SPATA7: variants seen among roughly 807,000 people sequenced by gnomAD.
SPATA7 encodes spermatogenesis associated 7.
Under a neutral mutation model 51.8 loss-of-function variants are expected in SPATA7, and 43 were observed. The ratio of observed to expected loss-of-function variants is 0.83; its 90% CI spans 0.65 to 1.07. The LOEUF is 1.07. SPATA7 is among the 50% of genes least tolerant of loss of function. The pLI is 0.00. For synonymous variants in SPATA7, 230 were observed against 252.8 expected (o/e 0.91, Z 0.86); for missense variants, 683 against 701.3 (o/e 0.97, Z 0.30).
chr14:88,464,419 A>AAAAG (rs906200425), intron 4 of SPATA7, among the ~76,000 whole-genome samples: 3 of 152,178 alleles, frequency 2.0e-5, no homozygotes, highest in African/African-American at 7.2e-5. Flanking sequence ...ATTTCTATCC[A>AAAAG]AAAGAGTTCC....
intron 5 of SPATA7, among the ~76,000 whole-genome samples, chr14:88,423,003 T>C (rs749268663): frequency 2.6e-5 from 4 of 152,162 alleles, no homozygotes; most frequent in Non-Finnish European, 5.9e-5. Flanking sequence ...AAAGGTCATA[T>C]ATCAAAAACC....
intron 10 of SPATA7, among the ~76,000 whole-genome samples, chr14:88,435,895 G>A (rs765799072): frequency 6.6e-6 from 1 of 152,130 alleles, no homozygotes; most frequent in Non-Finnish European, 1.5e-5. Flanking sequence ...ACATAAGAGT[G>A]CAGGTATCTC....
Position 88,390,917 on chromosome 14 carries a change from C to T in SPATA7, c.20-464C>T, listed in dbSNP as rs563824411. Among the ~76,000 whole-genome samples, 189 of 152,260 alleles carry T rather than the reference C, an allele frequency of 1.2e-3. 1 individual carries two copies. The highest frequency in any genetic ancestry group is 4.4e-3 in the African/African-American group (184 of 41,556). On this transcript the variant is annotated intron_variant, in intron 1 of 11. Coordinates refer to ENST00000393545, the MANE Select transcript of SPATA7 (RefSeq NM_018418.5). ...GTCCTAAATATTTTTTTCCTTCCTGCACTCTGACCTGTGACATAGAAAGAG... is the reference window on the plus strand; with the variant it reads ...GTCCTAAATATTTTTTTCCTTCCTGTACTCTGACCTGTGACATAGAAAGAG...
intron 4 of SPATA7, among the ~76,000 whole-genome samples, chr14:88,461,906 G>C (rs2077320218): frequency 6.6e-6 from 1 of 152,052 alleles, no homozygotes; most frequent in African/African-American, 2.4e-5. Context: ...TGACTTACAG[G>C]GGTTTAAGTA....
intron 2 of SPATA7, 156 bp downstream of exon 2, chr14:88,391,611 T>A: frequency 1.4e-6 from 1 of 725,064 alleles, no homozygotes; most frequent in Non-Finnish European, 2.4e-6. Flanking sequence ...TTCTTGAGAT[T>A]AGAGAATTTT....
downstream of SPATA7, among the ~76,000 whole-genome samples, chr14:88,442,173 TG>T (rs1284909472): frequency 0.014 from 177 of 12,410 alleles, 2 homozygotes; most frequent in East Asian, 0.28. Flanking sequence ...TCTATATGCC[TG>T]TTTGTTTGTT....
At chr14:88,458,188 C>CT (rs1244485889), downstream of SPATA7, among the ~76,000 whole-genome samples, 7 of 152,074 alleles carry the variant, frequency 4.6e-5, no homozygotes, top group East Asian at 1.9e-4. Context: ...CTAAAATTCT[C>CT]TTTTTTTGTT....
intron 3 of SPATA7, 167 bp downstream of exon 3, chr14:88,393,655 C>T: frequency 1.8e-6 from 1 of 543,240 alleles, no homozygotes. Flanking sequence ...TTAGCAAATT[C>T]ATACCCATTT....
chr14:88,427,775 T>G (rs1198121233), intron 7 of SPATA7, 79 bp downstream of exon 7: 14 of 1,033,918 alleles, frequency 1.4e-5, no homozygotes, highest in Non-Finnish European at 2.0e-5. Context: ...GTACAGCTAT[T>G]TAGACTGTGA....
chr14:88,414,264 A>G (rs777800504), intron 4 of SPATA7, among the ~76,000 whole-genome samples: 1 of 151,918 alleles, frequency 6.6e-6, no homozygotes, highest in African/African-American at 2.4e-5. Context: ...CAGGGTTTCA[A>G]TTTCTTCTGA....
At chr14:88,441,419 T>G (rs2077178109), downstream of SPATA7, among the ~76,000 whole-genome samples, 1 of 152,188 alleles carries the variant, frequency 6.6e-6, no homozygotes, top group African/African-American at 2.4e-5. Flanking sequence ...TTAAGGAATC[T>G]CCACACTGTT....
At chr14:88,458,534 G>A (rs1374149487), downstream of SPATA7, among the ~76,000 whole-genome samples, 1 of 152,138 alleles carries the variant, frequency 6.6e-6, no homozygotes, top group East Asian at 1.9e-4. Context: ...AGTATTCTCT[G>A]ATGGTAGCTT....
intron 4 of SPATA7, among the ~76,000 whole-genome samples, chr14:88,464,260 A>G (rs1390565744): frequency 6.6e-6 from 1 of 152,172 alleles, no homozygotes; most frequent in Non-Finnish European, 1.5e-5. Context: ...TAATGCAGCT[A>G]TTCCTCTACT....
intron 3 of SPATA7, among the ~76,000 whole-genome samples, chr14:88,452,818 T>C (rs543863885): frequency 6.6e-6 from 1 of 152,304 alleles, no homozygotes; most frequent in Admixed American, 6.5e-5. Context: ...ACCTTTGGCA[T>C]TTTCTATGTT....
chr14:88,426,963 T>G (rs1188868764), intron 6 of SPATA7, among the ~76,000 whole-genome samples: 1 of 152,198 alleles, frequency 6.6e-6, no homozygotes, highest in Non-Finnish European at 1.5e-5. Flanking sequence ...TCAAGAATTG[T>G]GTATGTTTTT....
intron 4 of SPATA7, among the ~76,000 whole-genome samples, chr14:88,397,446 T>G (rs769053093): frequency 6.6e-6 from 1 of 151,650 alleles, no homozygotes; most frequent in African/African-American, 2.4e-5. Context: ...CATTTAAGAG[T>G]AGCCTAGGCA....
intron 3 of SPATA7, among the ~76,000 whole-genome samples, chr14:88,448,589 C>T (rs370007588): frequency 0.038 from 5,711 of 151,968 alleles, 343 homozygotes; most frequent in African/African-American, 0.13. Context: ...AGTTTTTCTG[C>T]TCTGTTTTTT....
At chr14:88,455,994 C>T (rs541281656), downstream of SPATA7, among the ~76,000 whole-genome samples, 5,758 of 150,556 alleles carry the variant, frequency 0.038, 352 homozygotes, top group African/African-American at 0.13. Context: ...TTTGTCCTTG[C>T]GATAGTTTGC....
chr14:88,403,132 A>C (rs1440979952), intron 4 of SPATA7, among the ~76,000 whole-genome samples: 1 of 152,190 alleles, frequency 6.6e-6, no homozygotes, highest in Admixed American at 6.5e-5. Context: ...GATATCACTC[A>C]CACCTGTGAG....
Sources: allele counts gnomAD v4.1 joint callset (sites outside exome capture counted in the v4.1 genomes callset), GRCh38; gene constraint gnomAD v4.1.1; transcripts MANE v1.5; gene names NCBI Gene and HGNC (gene_info 2026-07-23, HGNC 2026-07-21).